The following LIPH variants were observed in gnomAD, a reference collection of about 807,000 sequenced individuals.
The protein encoded by LIPH is lipase member H.
In LIPH, 32 loss-of-function variants were observed where a neutral mutation model predicts 47.6. That is an observed-to-expected ratio of 0.67 (90% CI 0.51 to 0.90). LIPH has a LOEUF of 0.90. Among genes scored for constraint, LIPH ranks in the 40% least tolerant of loss-of-function variants. The pLI is 0.00. For missense variants in LIPH, 497 were observed against 541.4 expected (o/e 0.92, Z 0.81); for synonymous variants, 190 against 195.6 (o/e 0.97, Z 0.24).
At chr3:185,538,614 T>A (rs1236671843) in intron 1 of LIPH, among the ~76,000 whole-genome samples, 1 of 5,140 alleles carries the variant, frequency 1.9e-4, no homozygotes, top group East Asian at 0.029. Flanking sequence ...TTTTGTAGAT[T>A]TTTTCTTTTA....
chr3:185,517,722 C>G (rs1719775897), intron 6 of LIPH, among the ~76,000 whole-genome samples: 1 of 152,114 alleles, frequency 6.6e-6, no homozygotes, highest in South Asian at 2.1e-4. Context: ...CTTAATTGAT[C>G]CAGGGTGGGA....
chr3:185,529,660 C>T (rs907904478), intron 3 of LIPH, among the ~76,000 whole-genome samples: 3 of 150,094 alleles, frequency 2.0e-5, no homozygotes, highest in Admixed American at 6.7e-5. Flanking sequence ...GAGGCCAGGG[C>T]GGGAGGATTG....
intron 3 of LIPH, among the ~76,000 whole-genome samples, chr3:185,528,985 A>C (rs1720215157): frequency 6.8e-6 from 1 of 146,698 alleles, no homozygotes; most frequent in Non-Finnish European, 1.5e-5. Flanking sequence ...AACATGGTGA[A>C]ACCCCGTATC....
At chr3:185,528,978 A>G (rs1720214983) in intron 3 of LIPH, among the ~76,000 whole-genome samples, 1 of 147,956 alleles carries the variant, frequency 6.8e-6, no homozygotes, top group Non-Finnish European at 1.5e-5. Context: ...CCTGGCTAAC[A>G]TGGTGAAACC....
At chr3:185,537,000 T>G (rs1720522601) in intron 1 of LIPH, among the ~76,000 whole-genome samples, 1 of 152,212 alleles carries the variant, frequency 6.6e-6, no homozygotes, top group Non-Finnish European at 1.5e-5. Context: ...TTCTCCTGCC[T>G]CAGCCTCCCA....
At chr3:185,527,409 C>T (rs1218298052) in intron 4 of LIPH, 75 bp downstream of exon 4, 6 of 1,019,890 alleles carry the variant, frequency 5.9e-6, no homozygotes, top group Non-Finnish European at 9.4e-6. Context: ...TCTGCTCCTA[C>T]ATGATTATCT....
rs143321466 is a variant in LIPH, at chr3:185,506,921, G to A, written c.*1869C>T. 60 of 151,744 alleles carry A rather than the reference G, an allele frequency of 4.0e-4. No homozygotes were observed. Among genetic ancestry groups the A allele is most frequent in the African/African-American group, 1.4e-3 (56 of 41,366 alleles). The allele number at this position is 151,744 out of a possible 1,614,324, so 9.4% of individuals were successfully genotyped here. A position where few individuals can be genotyped will look rare whatever the true frequency, so the allele number is the denominator to read the frequency against. On this transcript the variant is annotated 3_prime_UTR_variant, in exon 10 of 10. Coordinates refer to ENST00000296252, the MANE Select transcript of LIPH (RefSeq NM_139248.3). Reference sequence around the variant, plus strand: ...ATTGCTGAGGAAATGTGAGAAGGAGGAGGAAGGATGGTAACATGTCCAAGA... The same window carrying A: ...ATTGCTGAGGAAATGTGAGAAGGAGAAGGAAGGATGGTAACATGTCCAAGA...
At position 185,535,079 on chromosome 3, in the gene LIPH, C is replaced by A. The variant is rs1457914412; in HGVS notation, c.103G>T (p.Val35Phe). ...AGCCTCACATTTAGTCCCGTACCAA[C>A]CACTGCACTGTGAAAGCTCAGCCTG... ...FTRLSFHSAV[V>F]GTGLNVRLML... The change falls in exon 2 of 10, where the codon GTT (valine) becomes TTT (phenylalanine). Residue 35 changes from valine to phenylalanine, a missense_variant. Physicochemically the swap from Val to Phe is conservative, Grantham distance 50 (BLOSUM62 -1). Coordinates refer to ENST00000296252, the MANE Select transcript of LIPH (RefSeq NM_139248.3). 10 of 1,614,040 alleles carry A rather than the reference C, an allele frequency of 6.2e-6. No homozygotes were observed. The highest frequency in any genetic ancestry group is 8.5e-6 in the Non-Finnish European group (10 of 1,180,022).
chr3:185,542,418 C>T (rs976253155), intron 1 of LIPH, among the ~76,000 whole-genome samples: 2 of 151,982 alleles, frequency 1.3e-5, no homozygotes, highest in South Asian at 4.2e-4. Context: ...CAGGTTCAAG[C>T]GATTCTCCTT....
intron 5 of LIPH, 101 bp from the exon 6 acceptor site, chr3:185,519,410 G>C: frequency 2.6e-6 from 2 of 782,114 alleles, no homozygotes; most frequent in Non-Finnish European, 4.6e-6. Flanking sequence ...CTGGCCCTGC[G>C]CTCTTTCAGT....
At chr3:185,515,856 C>T (rs1233212656) in intron 7 of LIPH, among the ~76,000 whole-genome samples, 1 of 152,146 alleles carries the variant, frequency 6.6e-6, no homozygotes, top group Admixed American at 6.5e-5. Flanking sequence ...AAGAGTTGCT[C>T]ACACCTGGCA....
At position 185,529,008 on chromosome 3, in the gene LIPH, C is replaced by CAAAA. The variant is rs11457671; in HGVS notation, c.527-1427_527-1424dup. ...GAAACCCCGTATCTATTAAAAATAC[C>CAAAA]AAAAAAAAAAAAAAAAAAATTAGCT... On this transcript the variant is annotated intron_variant, in intron 3 of 9. Coordinates refer to ENST00000296252, the MANE Select transcript of LIPH (RefSeq NM_139248.3). Among the ~76,000 whole-genome samples the CAAAA allele has an allele frequency of 2.4e-3, 264 of 111,624 alleles. 1 individual carries two copies. The highest frequency in any genetic ancestry group is 8.6e-3 in the African/African-American group (257 of 30,048). 73.2% of individuals were successfully genotyped at this position (111,624 alleles called of 152,430 possible). A position where few individuals can be genotyped will look rare whatever the true frequency, so the allele number is the denominator to read the frequency against.
intron 6 of LIPH, among the ~76,000 whole-genome samples, chr3:185,518,480 C>G (rs1719801743): frequency 6.6e-6 from 1 of 151,942 alleles, no homozygotes; most frequent in African/African-American, 2.4e-5. Flanking sequence ...TGAGATATCA[C>G]CATGTTGGCC....
intron 5 of LIPH, among the ~76,000 whole-genome samples, chr3:185,523,756 C>T (rs1201695096): frequency 6.6e-6 from 1 of 150,768 alleles, no homozygotes; most frequent in Non-Finnish European, 1.5e-5. Context: ...GAGTATCACT[C>T]TTGTTGCCCA....
intron 7 of LIPH, among the ~76,000 whole-genome samples, chr3:185,516,417 A>C (rs1719733021): frequency 6.6e-6 from 1 of 152,212 alleles, no homozygotes; most frequent in Non-Finnish European, 1.5e-5. Context: ...TGGGTGACAG[A>C]GTGAGACCCT....
intron 5 of LIPH, among the ~76,000 whole-genome samples, chr3:185,521,125 C>G (rs142778148): frequency 2.0e-5 from 3 of 152,220 alleles, no homozygotes; most frequent in Non-Finnish European, 2.9e-5. Flanking sequence ...ACCTCAGCCT[C>G]CTAAAGTGCT....
At position 185,533,628 on chromosome 3, in the gene LIPH, C is replaced by A. The variant is rs781687890; in HGVS notation, c.469G>T (p.Ala157Ser). The A allele has an allele frequency of 6.2e-7, 1 of 1,614,022 alleles. No homozygotes were observed. The highest frequency in any genetic ancestry group is 2.2e-5 in the East Asian group (1 of 44,884). ...TCTCCAACAAACCCAGATATGTGGG[C>A]TCCTAGACTTACTCCGATCATGTAA... ...DIYMIGVSLG[A>S]HISGFVGEMY... Residue 157 changes from alanine (A) to serine (S), a missense_variant, in exon 3 of 10, where the codon GCC (alanine) becomes TCC (serine). Transcript: ENST00000296252.
intron 9 of LIPH, among the ~76,000 whole-genome samples, chr3:185,509,282 C>T (rs1719479613): frequency 6.7e-6 from 1 of 148,340 alleles, no homozygotes; most frequent in East Asian, 2.0e-4. Context: ...GAGACTCTGT[C>T]TCAGAAAAAA....
At chr3:185,547,432 C>T (rs1434891497) in intron 1 of LIPH, among the ~76,000 whole-genome samples, 1 of 152,176 alleles carries the variant, frequency 6.6e-6, no homozygotes, top group Admixed American at 6.5e-5. Context: ...CCCTCCACCC[C>T]ATCCCCAAAC....
Sources: allele counts gnomAD v4.1 joint callset (sites outside exome capture counted in the v4.1 genomes callset), GRCh38; gene constraint gnomAD v4.1.1; transcripts MANE v1.5; gene names NCBI Gene and HGNC (gene_info 2026-07-23, HGNC 2026-07-21).